CAPZB: variants seen among roughly 807,000 people sequenced by gnomAD.
CAPZB encodes capping actin protein of muscle Z-line subunit beta, also known as F-actin-capping protein subunit beta.
A neutral mutation model predicts 38.1 loss-of-function variants in CAPZB; 2 were observed. That is an observed-to-expected ratio of 0.05 (90% confidence interval 0.02 to 0.17). CAPZB has a LOEUF of 0.17. CAPZB is among the 10% of genes least tolerant of loss of function. CAPZB has a pLI of 1.00. For synonymous variants in CAPZB, 107 were observed against 127.4 expected (o/e 0.84, Z 1.08); for missense variants, 161 against 334.2 (o/e 0.48, Z 4.04).
chr1:19,339,768 C>T, intron 8 of CAPZB, 151 bp from the exon 9 acceptor site: 1 of 700,800 alleles, frequency 1.4e-6, no homozygotes, highest in Admixed American at 2.2e-5. Flanking sequence ...GGCATCTGCC[C>T]CTCTCAGAAA....
At chr1:19,484,775 G>A (rs1294797886) in intron 1 of CAPZB, 6 of 974,338 alleles carry the variant, frequency 6.2e-6, no homozygotes, top group Non-Finnish European at 6.2e-6. Context: ...AAAAGTCCAG[G>A]GAAGGGGATC....
chr1:19,389,941 A>G (rs2094223810), intron 2 of CAPZB, among the ~76,000 whole-genome samples: 1 of 152,004 alleles, frequency 6.6e-6, no homozygotes, highest in Non-Finnish European at 1.5e-5. Flanking sequence ...CTCCTTCCTC[A>G]CCACTTAGCA....
At chr1:19,469,855 A>C (rs1056342066) in intron 1 of CAPZB, among the ~76,000 whole-genome samples, 2 of 152,064 alleles carry the variant, frequency 1.3e-5, no homozygotes, top group Non-Finnish European at 2.9e-5. Context: ...TAATGCCCAC[A>C]AGCACCCAGG....
In CAPZB at chr1:19,388,885, A is replaced by G. The variant is rs149906720; in HGVS notation, c.94-3259T>C. Among the ~76,000 whole-genome samples, 695 of 152,346 alleles carry G rather than the reference A, an allele frequency of 4.6e-3. 3 individuals are homozygous for G. Among genetic ancestry groups the G allele is most frequent in the Non-Finnish European group, 6.2e-3 (419 of 68,044 alleles). ...AGGTACTAACCAACCCCAGAAAAAC[A>G]TACATTTAAACTGGAACTCAAAAAC... On this transcript the variant is annotated intron_variant, in intron 2 of 8. Transcript: ENST00000264202.
chr1:19,472,101 G>A (rs1215442854), intron 1 of CAPZB, among the ~76,000 whole-genome samples: 2 of 152,214 alleles, frequency 1.3e-5, no homozygotes, highest in African/African-American at 4.8e-5. Flanking sequence ...GGGTATTCTA[G>A]TTAGAAGGTT....
intron 1 of CAPZB, among the ~76,000 whole-genome samples, chr1:19,482,257 C>T (rs1428664961): frequency 6.6e-6 from 1 of 152,192 alleles, no homozygotes; most frequent in Non-Finnish European, 1.5e-5. Flanking sequence ...TATAAGCATG[C>T]CACCAAAAAG....
At chr1:19,432,057 A>AAG (rs2094444079) in intron 1 of CAPZB, among the ~76,000 whole-genome samples, 3 of 92,592 alleles carry the variant, frequency 3.2e-5, no homozygotes, top group Non-Finnish European at 6.0e-5. Flanking sequence ...AAAAAAAAAA[A>AAG]AAAAAAAAGA....
chr1:19,355,877 T>C (rs1157887148), intron 6 of CAPZB, among the ~76,000 whole-genome samples: 1 of 152,174 alleles, frequency 6.6e-6, no homozygotes, highest in Non-Finnish European at 1.5e-5. Context: ...ACATGGACCT[T>C]TATACAAGGT....
At chr1:19,373,463 G>A (rs889385501) in intron 4 of CAPZB, among the ~76,000 whole-genome samples, 3 of 152,064 alleles carry the variant, frequency 2.0e-5, no homozygotes, top group South Asian at 2.1e-4. Context: ...ACAGAGCCAG[G>A]GATCAAAGCC....
chr1:19,435,537 G>A (rs1336382913), intron 1 of CAPZB, among the ~76,000 whole-genome samples: 2 of 152,214 alleles, frequency 1.3e-5, no homozygotes, highest in Non-Finnish European at 2.9e-5. Flanking sequence ...GTAGTGCACG[G>A]CAGGCGCTGA....
Position 19,356,557 on chromosome 1 carries a change from G to A in CAPZB, c.588+78C>T, listed in dbSNP as rs542977310. Reference sequence around the variant, plus strand: ...CATGCTTACCCTAAATGGGGCACCTGCTCACTCATCTCTGCAGGTCAGCAC... The same window carrying A: ...CATGCTTACCCTAAATGGGGCACCTACTCACTCATCTCTGCAGGTCAGCAC... On this transcript the variant is annotated intron_variant, in intron 6 of 8. Transcript: ENST00000264202. The surrounding 1 kb of genome is among the most constrained non-coding windows in gnomAD (Gnocchi z 4.3). 10 of 906,040 alleles carry A rather than the reference G, an allele frequency of 1.1e-5. No homozygotes were observed. In the East Asian group the frequency reaches 2.4e-4, roughly 22 times the overall value. The allele number at this position is 906,040 out of a possible 1,614,324, so 56.1% of individuals were successfully genotyped here.
At chr1:19,405,572 T>A (rs892624804) in intron 2 of CAPZB, among the ~76,000 whole-genome samples, 1 of 147,640 alleles carries the variant, frequency 6.8e-6, no homozygotes, top group Non-Finnish European at 1.5e-5. Flanking sequence ...AAAATCCCCT[T>A]GTATGAAGGA....
chr1:19,473,470 G>A (rs2094596567), intron 1 of CAPZB, among the ~76,000 whole-genome samples: 1 of 152,168 alleles, frequency 6.6e-6, no homozygotes, highest in South Asian at 2.1e-4. Context: ...TTAAAGGAGT[G>A]GCCCAAGAGC....
intron 2 of CAPZB, among the ~76,000 whole-genome samples, chr1:19,405,265 G>T (rs2094325119): frequency 6.6e-6 from 1 of 152,102 alleles, no homozygotes; most frequent in Admixed American, 6.5e-5. Flanking sequence ...CTGTGTTAGG[G>T]TCTGGGGATA....
At chr1:19,420,847 T>A (rs1185217434) in intron 1 of CAPZB, among the ~76,000 whole-genome samples, 2 of 151,694 alleles carry the variant, frequency 1.3e-5, no homozygotes, top group Admixed American at 1.3e-4. Context: ...ATATAAAAAA[T>A]AAATAAATAA....
intron 2 of CAPZB, among the ~76,000 whole-genome samples, chr1:19,411,102 G>A (rs966524769): frequency 5.9e-5 from 9 of 152,096 alleles, no homozygotes; most frequent in African/African-American, 2.2e-4. Flanking sequence ...CCAGAACTTT[G>A]GGAGGCCAAG....
At chr1:19,425,491 A>G (rs1316370774) in intron 1 of CAPZB, among the ~76,000 whole-genome samples, 3 of 152,124 alleles carry the variant, frequency 2.0e-5, no homozygotes, top group South Asian at 2.1e-4. Context: ...GTCAAATAAT[A>G]AGGAGGGGAG....
At chr1:19,441,603 G>A (rs1310941732) in intron 1 of CAPZB, among the ~76,000 whole-genome samples, 6 of 151,830 alleles carry the variant, frequency 4.0e-5, no homozygotes, top group East Asian at 1.9e-4. Flanking sequence ...TCAGAACTAC[G>A]GAACTGAAGA....
At chr1:19,423,516 CTTTTTTTTT>C (rs11340496) in intron 1 of CAPZB, among the ~76,000 whole-genome samples, 6 of 113,270 alleles carry the variant, frequency 5.3e-5, no homozygotes, top group African/African-American at 1.4e-4. Flanking sequence ...AGTGAACATT[CTTTTTTTTT>C]TTTTTTTTTT....
Sources: gnomAD v4.1 joint callset for allele counts (sites outside exome capture counted in the v4.1 genomes callset) on GRCh38, gnomAD v4.1.1 for gene constraint, Gnocchi (gnomAD v3.1) non-coding constraint, MANE v1.5 for transcripts, NCBI Gene and HGNC (gene_info 2026-07-23, HGNC 2026-07-21) for gene names.